ZNF385D: variants seen among roughly 807,000 people sequenced by gnomAD.
ZNF385D encodes the protein zinc finger protein 385D, also known as zinc finger protein 659.
A neutral mutation model predicts 35.8 loss-of-function variants in ZNF385D; 15 were observed. The observed-to-expected ratio is 0.42, with a 90% confidence interval of 0.28 to 0.64. The LOEUF is 0.64. ZNF385D is among the 30% of genes least tolerant of loss of function. The probability of loss-of-function intolerance (pLI) is 0.23; values close to 1 mark genes in which losing one functional copy is unlikely to be tolerated. For missense variants in ZNF385D, 474 were observed against 494.6 expected (o/e 0.96, Z 0.39); for synonymous variants, 212 against 186.8 (o/e 1.13, Z -1.10).
At chr3:21,601,702 T>C (rs1350747981) in intron 2 of ZNF385D, among the ~76,000 whole-genome samples, 2 of 152,232 alleles carry the variant, frequency 1.3e-5, no homozygotes, top group Non-Finnish European at 2.9e-5. Context: ...AAAGATGCCC[T>C]GCTCTGTGCC....
At chr3:21,796,928 C>G (rs1161751346) in intron 3 of ZNF385D, among the ~76,000 whole-genome samples, 5 of 152,170 alleles carry the variant, frequency 3.3e-5, no homozygotes, top group African/African-American at 1.2e-4. Flanking sequence ...CTTCGGGATC[C>G]TTCCCCCTGC....
At chr3:22,253,038 A>C (rs1332565571) in intron 2 of ZNF385D, among the ~76,000 whole-genome samples, 3 of 152,080 alleles carry the variant, frequency 2.0e-5, no homozygotes, top group Admixed American at 6.6e-5. Context: ...TTGAAAAGCA[A>C]AGAGATTTGG....
chr3:22,194,511 T>C (rs1269013240), intron 2 of ZNF385D, among the ~76,000 whole-genome samples: 1 of 151,990 alleles, frequency 6.6e-6, no homozygotes, highest in Non-Finnish European at 1.5e-5. Context: ...TTTAATCCAC[T>C]GCTTTTAGTT....
intron 3 of ZNF385D, among the ~76,000 whole-genome samples, chr3:22,100,752 G>A (rs1362305782): frequency 2.6e-5 from 4 of 151,668 alleles, no homozygotes; most frequent in African/African-American, 7.3e-5. Context: ...GTTAGTGGGT[G>A]TAGCGCACCA....
chr3:21,587,821 C>A (rs2063855812), intron 2 of ZNF385D, among the ~76,000 whole-genome samples: 1 of 151,892 alleles, frequency 6.6e-6, no homozygotes, highest in Non-Finnish European at 1.5e-5. Context: ...ACAAAGGAGC[C>A]TGAAAAGGTG....
chr3:21,826,909 G>A (rs985055976), intron 3 of ZNF385D, among the ~76,000 whole-genome samples: 1 of 151,848 alleles, frequency 6.6e-6, no homozygotes, highest in Admixed American at 6.6e-5. Context: ...GAACAGTGAA[G>A]AGTATGGACT....
At chr3:21,801,125 A>G (rs2072380121) in intron 3 of ZNF385D, among the ~76,000 whole-genome samples, 1 of 152,084 alleles carries the variant, frequency 6.6e-6, no homozygotes, top group Non-Finnish European at 1.5e-5. Context: ...TATTACATTG[A>G]TTCATTGATT....
intron 3 of ZNF385D, among the ~76,000 whole-genome samples, chr3:21,872,961 A>C (rs966820655): frequency 6.6e-6 from 1 of 152,164 alleles, no homozygotes; most frequent in Non-Finnish European, 1.5e-5. Flanking sequence ...GGATGACACA[A>C]CTGTTACCAC....
chr3:22,160,635 A>C (rs1705885258), intron 3 of ZNF385D, among the ~76,000 whole-genome samples: 1 of 152,134 alleles, frequency 6.6e-6, no homozygotes, highest in Non-Finnish European at 1.5e-5. Context: ...AATGAAAGAA[A>C]ATTTAATGCT....
At chr3:21,944,021 C>G (rs1004065567) in intron 3 of ZNF385D, among the ~76,000 whole-genome samples, 1 of 152,096 alleles carries the variant, frequency 6.6e-6, no homozygotes, top group Non-Finnish European at 1.5e-5. Flanking sequence ...AAGCCAGATG[C>G]TAAGTCTATG....
chr3:21,997,341 G>T (rs1039341956), intron 3 of ZNF385D, among the ~76,000 whole-genome samples: 2 of 152,100 alleles, frequency 1.3e-5, no homozygotes, highest in Non-Finnish European at 1.5e-5. Context: ...ACACACTGGG[G>T]TCTGTCGTGT....
intron 4 of ZNF385D, among the ~76,000 whole-genome samples, chr3:21,505,944 T>A (rs1706742890): frequency 6.6e-6 from 1 of 152,092 alleles, no homozygotes; most frequent in Non-Finnish European, 1.5e-5. Context: ...CTGTTTTATC[T>A]CTCCTCCCTC....
At chr3:21,449,662 G>C (rs1369873938) in intron 4 of ZNF385D, among the ~76,000 whole-genome samples, 2 of 152,098 alleles carry the variant, frequency 1.3e-5, no homozygotes, top group Non-Finnish European at 2.9e-5. Context: ...TGGTACATAA[G>C]ATCTTATTTC....
chr3:21,823,055 G>C (rs959010543), intron 3 of ZNF385D, among the ~76,000 whole-genome samples: 1 of 152,064 alleles, frequency 6.6e-6, no homozygotes, highest in Non-Finnish European at 1.5e-5. Flanking sequence ...TTTTCTATTT[G>C]TTAAGCTGCA....
At chr3:21,504,162 A>G (rs1332645405) in intron 4 of ZNF385D, among the ~76,000 whole-genome samples, 2 of 152,180 alleles carry the variant, frequency 1.3e-5, no homozygotes, top group Non-Finnish European at 2.9e-5. Flanking sequence ...GAAAATCCAT[A>G]TACTCAATAG....
At chr3:21,805,849 G>T (rs947715178) in intron 3 of ZNF385D, among the ~76,000 whole-genome samples, 1 of 152,160 alleles carries the variant, frequency 6.6e-6, no homozygotes, top group Non-Finnish European at 1.5e-5. Flanking sequence ...GGATCTCATA[G>T]AAAATGAACC....
intron 3 of ZNF385D, among the ~76,000 whole-genome samples, chr3:21,524,361 T>C (rs745829723): frequency 5.9e-5 from 9 of 152,174 alleles, no homozygotes; most frequent in Non-Finnish European, 1.3e-4. Context: ...CAATCCTTCA[T>C]CAGCTGCAAC....
At chr3:22,016,286 T>C (rs1413236177) in intron 3 of ZNF385D, among the ~76,000 whole-genome samples, 2 of 152,012 alleles carry the variant, frequency 1.3e-5, no homozygotes, top group Non-Finnish European at 2.9e-5. Context: ...AAACTTTCTA[T>C]AACACATAGG....
intron 2 of ZNF385D, among the ~76,000 whole-genome samples, chr3:22,178,464 G>C (rs1372278916): frequency 1.3e-5 from 2 of 152,110 alleles, no homozygotes; most frequent in African/African-American, 4.8e-5. Flanking sequence ...TGAGTTCTTT[G>C]TAGATTCTGG....
Sources: allele counts gnomAD v4.1 joint callset (sites outside exome capture counted in the v4.1 genomes callset), GRCh38; gene constraint gnomAD v4.1.1; transcripts MANE v1.5; gene names NCBI Gene and HGNC (gene_info 2026-07-23, HGNC 2026-07-21).